Variants in MYO5C observed in about 807,000 individuals in gnomAD.
MYO5C encodes the protein unconventional myosin-Vc.
In MYO5C, 194 loss-of-function variants were observed where a neutral mutation model predicts 235.7. The observed-to-expected ratio is 0.82, with a 90% confidence interval of 0.73 to 0.93. MYO5C has a LOEUF of 0.93. Ranked by LOEUF, MYO5C falls within the 40% of genes least tolerant of loss-of-function variation. MYO5C has a pLI of 0.00. For synonymous variants in MYO5C, 707 were observed against 754.8 expected (o/e 0.94, Z 1.04); for missense variants, 2,038 against 2,127.2 (o/e 0.96, Z 0.82).
chr15:52,255,518 A>G (rs1461035348), intron 11 of MYO5C, among the ~76,000 whole-genome samples: 1 of 152,242 alleles, frequency 6.6e-6, no homozygotes, highest in Non-Finnish European at 1.5e-5. Flanking sequence ...ACAGAGCCAA[A>G]TATAAATGTT....
At chr15:52,196,241 G>C (rs71472929) in intron 39 of MYO5C, 68 bp downstream of exon 39, 1 of 1,460,166 alleles carries the variant, frequency 6.8e-7, no homozygotes, top group Non-Finnish European at 9.1e-7. Context: ...GCTAAACCAA[G>C]AAAGGCAATG....
chr15:52,246,105 G>A (rs1237723660), intron 16 of MYO5C, 63 bp from the exon 17 acceptor site: 25 of 1,331,550 alleles, frequency 1.9e-5, no homozygotes, highest in Non-Finnish European at 2.5e-5. Flanking sequence ...CCCATAAACA[G>A]GCACAGCAGA....
intron 1 of MYO5C, among the ~76,000 whole-genome samples, chr15:52,284,175 A>C (rs1285747175): frequency 6.6e-6 from 1 of 151,500 alleles, no homozygotes; most frequent in East Asian, 1.9e-4. Flanking sequence ...GTGGCCAAAA[A>C]TTGGAAACAG....
chr15:52,263,288 G>A (rs189905586), intron 9 of MYO5C, among the ~76,000 whole-genome samples: 2 of 152,180 alleles, frequency 1.3e-5, no homozygotes, highest in Admixed American at 6.5e-5. Context: ...TTCTTTACAT[G>A]GACATTGATG....
chr15:52,286,220 G>C (rs1210583849), intron 1 of MYO5C, among the ~76,000 whole-genome samples: 1 of 151,616 alleles, frequency 6.6e-6, no homozygotes, highest in Admixed American at 6.6e-5. Flanking sequence ...CGGGAGGGAG[G>C]TGGGGGGTCA....
chr15:52,225,540 A>C lies in MYO5C; in HGVS notation c.3208-8T>G, dbSNP rs11070887. The C allele has an allele frequency of 0.094, 150,405 of 1,591,918 alleles. 18,072 individuals are homozygous for C. Among genetic ancestry groups the C allele is most frequent in the East Asian group, 0.56 (25,122 of 44,718 alleles). ...TTCGAACTCAGAGATTGTCTGAATC[A>C]CAGCAATGACGGAATCAGGTAAAGA... On this transcript the variant is annotated splice_region_variant and splice_polypyrimidine_tract_variant and intron_variant, in intron 25 of 40. Transcript: ENST00000261839.
intron 1 of MYO5C, among the ~76,000 whole-genome samples, chr15:52,284,773 A>G (rs1421696345): frequency 6.6e-6 from 1 of 152,114 alleles, no homozygotes; most frequent in Non-Finnish European, 1.5e-5. Flanking sequence ...TGAATATGGT[A>G]GAATGTCCAC....
chr15:52,244,108 C>T (rs1410335780), intron 19 of MYO5C, among the ~76,000 whole-genome samples: 1 of 152,166 alleles, frequency 6.6e-6, no homozygotes, highest in Non-Finnish European at 1.5e-5. Context: ...ACACTCTCAC[C>T]AGCGCTTCCT....
intron 38 of MYO5C, among the ~76,000 whole-genome samples, 187 bp downstream of exon 38, chr15:52,204,678 G>A (rs2035259871): frequency 1.3e-5 from 2 of 152,178 alleles, no homozygotes; most frequent in Middle Eastern, 6.8e-3. Context: ...AGGGTGTGGC[G>A]TGAGGGGAGT....
intron 2 of MYO5C, among the ~76,000 whole-genome samples, chr15:52,281,553 C>A (rs1346951794): frequency 6.6e-6 from 1 of 152,216 alleles, no homozygotes; most frequent in East Asian, 1.9e-4. Flanking sequence ...CCCCGGGGAG[C>A]AGGAGCCTCT....
intron 18 of MYO5C, among the ~76,000 whole-genome samples, chr15:52,245,020 C>A (rs2036307515): frequency 6.6e-6 from 1 of 152,226 alleles, no homozygotes; most frequent in Non-Finnish European, 1.5e-5. Context: ...CACAAGGCAC[C>A]ATGCCTGGAG....
intron 1 of MYO5C, among the ~76,000 whole-genome samples, 170 bp downstream of exon 1, chr15:52,295,440 C>A (rs1260227894): frequency 3.3e-5 from 5 of 152,110 alleles, no homozygotes; most frequent in Non-Finnish European, 1.5e-5. Flanking sequence ...CTCGTGTCCC[C>A]GGTCCCCGTG....
At position 52,247,561 on chromosome 15, in the gene MYO5C, T is replaced by C. The variant is rs2036377663; in HGVS notation, c.1778A>G (p.Asn593Ser). ...FHLCANFFQE[N>S]PTPPSPFGSM... ...ACCAAAAGGAGAAGGAGGAGTTGGATTTTCTTGAAAAAAGTTGGCACAGAG... is the reference window on the plus strand; with the variant it reads ...ACCAAAAGGAGAAGGAGGAGTTGGACTTTCTTGAAAAAAGTTGGCACAGAG... Residue 593 changes from asparagine (N) to serine (S), a missense_variant, in exon 15 of 41, where the codon AAT becomes AGT. Asn to Ser is a conservative substitution (Grantham distance 46, BLOSUM62 1). Transcript: ENST00000261839. 3 of 1,614,098 alleles carry C rather than the reference T, an allele frequency of 1.9e-6. No homozygotes were observed. The highest frequency in any genetic ancestry group is 4.5e-5 in the East Asian group (2 of 44,882).
In MYO5C at chr15:52,251,077, G is replaced by A. The variant is rs183181697; in HGVS notation, c.1662+313C>T. The stretch of plus-strand genomic sequence containing the variant: ...AAAATATAGCTTTCATCATAAGGAA[G>A]AATTATGCTGTCTTGATTATCACAA... On this transcript the variant is annotated intron_variant, in intron 13 of 40. Transcript: ENST00000261839. 34 of 184,284 alleles carry A rather than the reference G, an allele frequency of 1.8e-4. No individual in the cohort carries two copies. In the East Asian group the frequency reaches 4.3e-3, roughly 24 times the overall value. 11.4% of individuals were successfully genotyped at this position (184,284 alleles called of 1,614,324 possible). A position where few individuals can be genotyped will look rare whatever the true frequency, so the allele number is the denominator to read the frequency against.
rs147052203 is a variant in MYO5C at position 52,226,650 on chromosome 15, A to C, written c.3208-1118T>G. ...AGTGATCTTTTCTCAATTAGCAAAC[A>C]GCAGCTACATTTAACTGAAGGCTGA... On this transcript the variant is annotated intron_variant, in intron 25 of 40. Transcript: ENST00000261839. 1.3e-3 allele frequency among the ~76,000 whole-genome samples: 198 copies of C among 152,330 alleles called. 1 individual carries two copies. Among genetic ancestry groups the C allele is most frequent in the African/African-American group, 4.5e-3 (187 of 41,572 alleles).
chr15:52,263,641 T>G (rs1302751332), intron 9 of MYO5C, among the ~76,000 whole-genome samples: 1 of 152,218 alleles, frequency 6.6e-6, no homozygotes. Context: ...TGCGGGTTTC[T>G]GCACTTGCTG....
chr15:52,248,257 C>A (rs1341958418), intron 14 of MYO5C, among the ~76,000 whole-genome samples: 1 of 152,146 alleles, frequency 6.6e-6, no homozygotes, highest in African/African-American at 2.4e-5. Context: ...GTCTTCCCCA[C>A]CTCAGCCTCC....
intron 20 of MYO5C, among the ~76,000 whole-genome samples, chr15:52,240,136 T>C (rs1190261145): frequency 6.6e-6 from 1 of 152,222 alleles, no homozygotes; most frequent in Non-Finnish European, 1.5e-5. Context: ...CTTACTATTG[T>C]TGGTAAAAAA....
At chr15:52,251,905 T>C (rs939459423) in intron 12 of MYO5C, among the ~76,000 whole-genome samples, 2 of 152,108 alleles carry the variant, frequency 1.3e-5, no homozygotes, top group African/African-American at 2.4e-5. Context: ...CCTCAGGTGA[T>C]CCACCCACCT....
Sources: gnomAD v4.1 joint callset for allele counts (sites outside exome capture counted in the v4.1 genomes callset) on GRCh38, gnomAD v4.1.1 for gene constraint, MANE v1.5 for transcripts, NCBI Gene and HGNC (gene_info 2026-07-23, HGNC 2026-07-21) for gene names.